TEX36: variants seen among roughly 807,000 people sequenced by gnomAD.
The protein encoded by TEX36 is testis-expressed protein 36.
TEX36 carries 12 observed loss-of-function variants against 13.6 expected under a neutral mutation model. That is an observed-to-expected ratio of 0.88 (90% CI 0.56 to 1.43). TEX36 has a LOEUF of 1.43. Among genes scored for constraint, TEX36 ranks in the 40% most tolerant of loss-of-function variants. The pLI is 0.00. For missense variants in TEX36, 224 were observed against 228.3 expected (o/e 0.98, Z 0.12); for synonymous variants, 93 against 83.0 (o/e 1.12, Z -0.65).
intron 3 of TEX36, among the ~76,000 whole-genome samples, chr10:125,633,019 G>A (rs568872666): frequency 2.5e-4 from 38 of 152,226 alleles, no homozygotes; most frequent in African/African-American, 8.9e-4. Context: ...AGCTACTCCG[G>A]AGTCTGAGGC....
At chr10:125,602,355 C>G (rs548720538) in intron 3 of TEX36, among the ~76,000 whole-genome samples, 1 of 152,284 alleles carries the variant, frequency 6.6e-6, no homozygotes, top group East Asian at 1.9e-4. Flanking sequence ...CGCTTTTCAT[C>G]TATTAAAAAA....
At chr10:125,661,163 G>T in intron 2 of TEX36, 62 bp from the exon 3 acceptor site, 2 of 1,361,718 alleles carry the variant, frequency 1.5e-6, no homozygotes, top group Non-Finnish European at 2.1e-6. Context: ...TTCAGAACTG[G>T]GATCGGGTGA....
rs116825392 is a variant in TEX36, at chr10:125,577,159, G to C, written c.265-285C>G. Among the ~76,000 whole-genome samples, 727 of 152,234 alleles carry C rather than the reference G, an allele frequency of 4.8e-3. 7 individuals carry two copies. The highest frequency in any genetic ancestry group is 0.016 in the African/African-American group (666 of 41,534). On this transcript the variant is annotated intron_variant, in intron 3 of 3. Transcript: ENST00000532135. Reference sequence around the variant, plus strand: ...GAAGCACAGGGTTGAAACCAGGAAGGAAGTTTTCCAGGAGGTCTCAGGTGC... The same window carrying C: ...GAAGCACAGGGTTGAAACCAGGAAGCAAGTTTTCCAGGAGGTCTCAGGTGC...
At chr10:125,609,203 A>AG (rs1846259395) in intron 3 of TEX36, among the ~76,000 whole-genome samples, 2 of 151,546 alleles carry the variant, frequency 1.3e-5, no homozygotes, top group Admixed American at 1.3e-4. Context: ...AAACAGGGGA[A>AG]GGGGTTGGAG....
downstream of TEX36, among the ~76,000 whole-genome samples, chr10:125,654,811 G>T (rs539493206): frequency 6.6e-6 from 1 of 152,238 alleles, no homozygotes; most frequent in East Asian, 1.9e-4. Context: ...TCACAGGTAC[G>T]GTTGGTAGGA....
intron 3 of TEX36, among the ~76,000 whole-genome samples, chr10:125,577,047 G>A (rs1589736255): frequency 6.6e-6 from 1 of 152,216 alleles, no homozygotes; most frequent in African/African-American, 2.4e-5. Flanking sequence ...ATGAACTGGG[G>A]CAAGGGAATG....
intron 3 of TEX36, among the ~76,000 whole-genome samples, chr10:125,614,244 T>C (rs996391576): frequency 1.3e-5 from 2 of 152,234 alleles, no homozygotes; most frequent in African/African-American, 2.4e-5. Context: ...CTGTTCCCTC[T>C]GATGGTAGTT....
At chr10:125,576,755 T>A (rs1845828734) in exon 4 of TEX36, 4 of 1,535,000 alleles carry the variant, frequency 2.6e-6, no homozygotes, top group Non-Finnish European at 3.5e-6. Context: ...GAGCTCACAC[T>A]GCAAGGAGGG....
At chr10:125,662,444 A>T (rs1193057358) in intron 1 of TEX36, among the ~76,000 whole-genome samples, 1 of 152,172 alleles carries the variant, frequency 6.6e-6, no homozygotes, top group East Asian at 1.9e-4. Context: ...GAGAATCTCA[A>T]GTGATTCTCC....
intron 3 of TEX36, among the ~76,000 whole-genome samples, chr10:125,597,351 A>C (rs1053843506): frequency 8.5e-5 from 13 of 152,208 alleles, no homozygotes; most frequent in Non-Finnish European, 1.8e-4. Context: ...AGAAAAAAAA[A>C]CACTCACATG....
intron 3 of TEX36, chr10:125,621,648 G>A (rs1335082671): frequency 2.2e-6 from 1 of 456,000 alleles, no homozygotes; most frequent in Non-Finnish European, 4.4e-6. Context: ...TCTGCAAACT[G>A]GGAAAGAGAA....
At position 125,667,058 on chromosome 10, in the gene TEX36, C is replaced by A. The variant is rs1194534589; in HGVS notation, c.52-5081G>T. The A allele has an allele frequency of 2.1e-6, 3 of 1,441,764 alleles. No individual in the cohort carries two copies. The South Asian group carries it at 3.5e-5, about 17-fold the overall frequency. 89.3% of individuals were successfully genotyped at this position (1,441,764 alleles called of 1,614,324 possible). ...CAGGGCAGAGGCCTGCAGGGCTCGG[C>A]CATAGGAGAAGGTCACAGGGAGCAC... On this transcript the variant is annotated intron_variant, in intron 1 of 3. Coordinates refer to ENST00000368821, the MANE Select transcript of TEX36 (RefSeq NM_001128202.3).
At chr10:125,645,520 G>T (rs902881894) in intron 3 of TEX36, among the ~76,000 whole-genome samples, 13 of 152,170 alleles carry the variant, frequency 8.5e-5, no homozygotes, top group Admixed American at 4.6e-4. Flanking sequence ...GCCCTCACCA[G>T]ACGCAGCCCC....
intron 3 of TEX36, among the ~76,000 whole-genome samples, chr10:125,595,661 G>A (rs1188690030): frequency 6.6e-6 from 1 of 152,076 alleles, no homozygotes; most frequent in Non-Finnish European, 1.5e-5. Flanking sequence ...CCTGCCTCAG[G>A]GCCTTTGCAC....
chr10:125,649,360 T>C (rs2133583241), intron 3 of TEX36, among the ~76,000 whole-genome samples: 1 of 152,156 alleles, frequency 6.6e-6, no homozygotes, highest in Non-Finnish European at 1.5e-5. Flanking sequence ...TTCAACATTC[T>C]TAAAGAATTT....
At chr10:125,682,156 G>C (rs906012273) in intron 1 of TEX36, among the ~76,000 whole-genome samples, 1 of 151,652 alleles carries the variant, frequency 6.6e-6, no homozygotes, top group African/African-American at 2.4e-5. Flanking sequence ...AATGGGAAAG[G>C]CTTGAGGCTT....
chr10:125,625,680 G>A (rs565370165), intron 3 of TEX36, among the ~76,000 whole-genome samples: 5 of 152,274 alleles, frequency 3.3e-5, no homozygotes, highest in South Asian at 2.1e-4. Flanking sequence ...TATGTCATAC[G>A]TGTTCAACTA....
At chr10:125,635,899 G>A (rs1321417641) in intron 3 of TEX36, among the ~76,000 whole-genome samples, 3 of 151,946 alleles carry the variant, frequency 2.0e-5, no homozygotes, top group South Asian at 2.1e-4. Flanking sequence ...TTTGAGACAA[G>A]GTCAAGCTCT....
chr10:125,645,645 A>G (rs1176830484), intron 3 of TEX36, among the ~76,000 whole-genome samples: 2 of 152,250 alleles, frequency 1.3e-5, no homozygotes, highest in East Asian at 3.8e-4. Flanking sequence ...ATCCTAAGCA[A>G]CAGAAAATGG....
Sources: allele counts gnomAD v4.1 joint callset (sites outside exome capture counted in the v4.1 genomes callset), GRCh38; gene constraint gnomAD v4.1.1; transcripts MANE v1.5; gene names NCBI Gene and HGNC (gene_info 2026-07-23, HGNC 2026-07-21).